Variants in NACA observed in about 807,000 individuals in gnomAD.
NACA encodes nascent polypeptide associated complex subunit alpha.
A neutral mutation model predicts 86.4 loss-of-function variants in NACA; 42 were observed. The ratio of observed to expected loss-of-function variants is 0.49; its 90% CI spans 0.38 to 0.63. The LOEUF (loss-of-function observed/expected upper bound fraction) is 0.63. NACA is among the 20% of genes least tolerant of loss of function. The pLI is 0.00. For synonymous variants in NACA, 898 were observed against 973.7 expected, an observed-to-expected ratio of 0.92 and a Z score of 1.45; for missense variants, 2,157 against 2,483.6, an observed-to-expected ratio of 0.87 and a Z score of 2.80.
Position 56,720,710 on chromosome 12 carries a change from C to T in NACA, c.820G>A (p.Ala274Thr), listed in dbSNP as rs779936716. The T allele has an allele frequency of 1.2e-6, 2 of 1,613,824 alleles. No individual in the cohort carries two copies. Among genetic ancestry groups the T allele is most frequent in the African/African-American group, 1.3e-5 (1 of 74,928 alleles). ...LSLKGPVSPP[A>T]ALSLSTQSLP... Reference sequence around the variant, plus strand: ...GACTGAGTTGAAAGAGATAAGGCAGCAGGTGGACTAACAGGCCCCTTCAGG... The same window carrying T: ...GACTGAGTTGAAAGAGATAAGGCAGTAGGTGGACTAACAGGCCCCTTCAGG... Residue 274 changes from alanine to threonine, a missense_variant, in exon 3 of 9, where the codon GCT becomes ACT. Physicochemically the swap from Ala to Thr is moderately conservative, Grantham distance 58. Transcript: ENST00000454682.
chr12:56,716,884 AT>A lies in NACA; in HGVS notation c.4645del (p.Ile1549PhefsTer5). ...PATLAPKEAL[I>X]PPAMTVPSPK... ...GGAGGGAACAGTCATAGCTGGGGGAATGAGGGCCTCTTTGGGGGCTAGAGTT... is the reference window on the plus strand; with the variant it reads ...GGAGGGAACAGTCATAGCTGGGGGAAGAGGGCCTCTTTGGGGGCTAGAGTT... On this transcript the variant is annotated frameshift_variant, in exon 3 of 9. Transcript: ENST00000454682. LOFTEE classifies it high-confidence loss of function. 8.3e-7 allele frequency: 1 copy of A among 1,199,716 alleles called. No homozygotes were observed. The allele number at this position is 1,199,716 out of a possible 1,614,324, so 74.3% of individuals were successfully genotyped here. A position where few individuals can be genotyped will look rare whatever the true frequency, so the allele number is the denominator to read the frequency against.
chr12:56,715,271 T>G (rs1254735382), intron 3 of NACA, among the ~76,000 whole-genome samples: 1 of 152,150 alleles, frequency 6.6e-6, no homozygotes, highest in South Asian at 2.1e-4. Flanking sequence ...GACCTATATC[T>G]CTAGTTTTTC....
rs746891002 is a variant in NACA, at chr12:56,719,597, C to T, written c.1933G>A (p.Val645Met). ...GCACTTTCCAAAGGAAATGCAGCCA[C>T]TGTTGGGGTAATGAGAGAACTTTTG... ...LLKSSLITPT[V>M]AAFPLESADP... The change falls in exon 3 of 9, where the codon GTG becomes ATG. Residue 645 changes from valine (V) to methionine (M), a missense_variant. Physicochemically the swap from Val to Met is conservative, Grantham distance 21. Coordinates refer to ENST00000454682, the MANE Select transcript of NACA (RefSeq NM_001365896.1). 4.3e-6 allele frequency: 7 copies of T among 1,613,816 alleles called. No individual in the cohort carries two copies. In the African/African-American group the frequency reaches 5.3e-5, roughly 12 times the overall value.
rs1436457277 is a variant in NACA at position 56,721,369 on chromosome 12, T to C, written c.161A>G (p.Gln54Arg). Residue 54 changes from glutamine to arginine, a missense_variant, in exon 3 of 9, where the codon CAA becomes CGA. Physicochemically the swap from Gln to Arg is conservative, Grantham distance 43. Around this residue, in one of 8 missense-constraint regions of NACA, gnomAD observed 947 missense variants for 917.9 expected, o/e 1.03. Transcript: ENST00000454682. Reference protein sequence around the residue: ...TLPPPCSPAPQQCPLSAANQA... With the variant: ...TLPPPCSPAPRQCPLSAANQA... Reference sequence around the variant, plus strand: ...GTTAGCAGCTGAGAGAGGGCACTGTTGTGGGGCAGGAGAGCAAGGAGGGGG... The same window carrying C: ...GTTAGCAGCTGAGAGAGGGCACTGTCGTGGGGCAGGAGAGCAAGGAGGGGG... 1.3e-6 allele frequency: 2 copies of C among 1,590,172 alleles called. No homozygotes were observed. Among genetic ancestry groups the C allele is most frequent in the Non-Finnish European group, 1.7e-6 (2 of 1,170,840 alleles).
At position 56,717,054 on chromosome 12, in the gene NACA, CT is replaced by C. The variant is rs1434405912; in HGVS notation, c.4475del (p.Lys1492ArgfsTer17). 5.9e-6 allele frequency: 7 copies of C among 1,180,892 alleles called. No homozygotes were observed. The highest frequency in any genetic ancestry group is 2.1e-5 in the South Asian group (1 of 47,154). 73.2% of individuals were successfully genotyped at this position (1,180,892 alleles called of 1,614,324 possible). A position where few individuals can be genotyped will look rare whatever the true frequency, so the allele number is the denominator to read the frequency against. ...CCATGGGGGCTGGAGTTGCTGGGGCCTTTTTGGGAGAGGAAGAAGTGGCAAC... is the reference window on the plus strand; with the variant it reads ...CCATGGGGGCTGGAGTTGCTGGGGCCTTTTGGGAGAGGAAGAAGTGGCAAC... ...KQVATSSSPK[K>X]APATPAPMGA... On this transcript the variant is annotated frameshift_variant, in exon 3 of 9. Coordinates refer to ENST00000454682, the MANE Select transcript of NACA (RefSeq NM_001365896.1). LOFTEE classifies it high-confidence loss of function.
In NACA at chr12:56,716,534, G is replaced by A. The variant is rs770450647; in HGVS notation, c.4996C>T (p.Pro1666Ser). 2 of 1,477,874 alleles carry A rather than the reference G, an allele frequency of 1.4e-6. No homozygotes were observed. The highest frequency in any genetic ancestry group is 3.6e-5 in the Admixed American group (2 of 55,786). The allele number at this position is 1,477,874 out of a possible 1,614,324, so 91.5% of individuals were successfully genotyped here. ...GCTGGAAGCCCTTTAGATGCTTGAG[G>A]AACAGTGGCCCCCATTTTACATGTG... The part of the protein sequence containing the change: ...SVTCKMGATV[P>S]QASKGLPAKK... Residue 1666 changes from proline to serine, a missense_variant, in exon 3 of 9, where the codon CCT becomes TCT. Around this residue, in one of 8 missense-constraint regions of NACA, gnomAD observed 797 missense variants for 777.6 expected, o/e 1.02. Transcript: ENST00000454682.
In NACA at chr12:56,719,267, A is replaced by AAATACCATC. The variant is rs1246039944; in HGVS notation, c.2254_2262dup (p.Asp752_Ile754dup). 8.9e-6 allele frequency: 14 copies of AAATACCATC among 1,566,794 alleles called. No homozygotes were observed. Among genetic ancestry groups the AAATACCATC allele is most frequent in the Non-Finnish European group, 1.2e-5 (14 of 1,149,846 alleles). On this transcript the variant is annotated inframe_insertion, in exon 3 of 9. Coordinates refer to ENST00000454682, the MANE Select transcript of NACA (RefSeq NM_001365896.1). Reference sequence around the variant, plus strand: ...ACAGGTGCCAATGCTGAAGTATGAGAAATACCATCAACCTTTTTTGTACCT... The same window carrying AAATACCATC: ...ACAGGTGCCAATGCTGAAGTATGAGAAATACCATCAATACCATCAACCTTTTTTGTACCT...
At chr12:56,714,140 C>G (rs1247085938) in intron 5 of NACA, 2 of 538,138 alleles carry the variant, frequency 3.7e-6, no homozygotes, top group African/African-American at 3.8e-5. Flanking sequence ...AGCCACCAAC[C>G]TAGCTACTTC....
Position 56,719,208 on chromosome 12 carries a change from G to C in NACA, c.2322C>G (p.Asp774Glu), listed in dbSNP as rs1301358539. 8 of 1,491,492 alleles carry C rather than the reference G, an allele frequency of 5.4e-6. No individual in the cohort carries two copies. In the Admixed American group the frequency reaches 1.2e-4, roughly 23 times the overall value. The allele number at this position is 1,491,492 out of a possible 1,614,324, so 92.4% of individuals were successfully genotyped here. A position where few individuals can be genotyped will look rare whatever the true frequency, so the allele number is the denominator to read the frequency against. ...ASSPKECPTE[D>E]SGASATASSK... is the part of the protein sequence containing the mutation. ...AAGATGCAGTAGCAGAAGCACCAGA[G>C]TCCTCAGTTGGGCACTCTTTGGGAG... Residue 774 changes from aspartate to glutamate, a missense_variant, in exon 3 of 9, where the codon GAC (aspartate) becomes GAG (glutamate). By Grantham distance (45) the Asp-to-Glu change is conservative. Transcript: ENST00000454682.
chr12:56,720,299 T>C lies in NACA; in HGVS notation c.1231A>G (p.Thr411Ala). The change falls in exon 3 of 9, where the codon ACC becomes GCC. Residue 411 changes from threonine (T) to alanine (A), a missense_variant. Thr to Ala is a moderately conservative substitution (Grantham distance 58, BLOSUM62 0). Coordinates refer to ENST00000454682, the MANE Select transcript of NACA (RefSeq NM_001365896.1). ...GGAGAGCTTTTGAGAATGAGAGAGGTTGTAGGAGATAATGAAAAAGAGGTA... is the reference window on the plus strand; with the variant it reads ...GGAGAGCTTTTGAGAATGAGAGAGGCTGTAGGAGATAATGAAAAAGAGGTA... ...VATSFSLSPT[T>A]SLILKSSPNA... 6.2e-7 allele frequency: 1 copy of C among 1,612,854 alleles called. No homozygotes were observed. Among genetic ancestry groups the C allele is most frequent in the Non-Finnish European group, 8.5e-7 (1 of 1,179,562 alleles).
At chr12:56,713,307 C>T (rs775637419) in intron 6 of NACA, 117 bp from the exon 7 acceptor site, 23 of 1,352,294 alleles carry the variant, frequency 1.7e-5, no homozygotes, top group Non-Finnish European at 2.3e-5. Flanking sequence ...CAGCTTTAAA[C>T]TGCTTGCCCT....
In NACA at chr12:56,717,391, C is replaced by G; in HGVS notation, c.4139G>C (p.Gly1380Ala). The change falls in exon 3 of 9, where the codon GGA (glycine) becomes GCA (alanine). Residue 1380 changes from glycine to alanine, a missense_variant. Gly to Ala is a moderately conservative substitution (Grantham distance 60). Coordinates refer to ENST00000454682, the MANE Select transcript of NACA (RefSeq NM_001365896.1). ...TPPAATPSHK[G>A]GPAMTPPSPK... ...GGAGGGAGGAGTCATAGCGGGACCT[C>G]CTTTGTGGGAGGGGGTTGCAGCTGG... is the stretch of plus-strand genomic sequence containing the variant. 1 of 1,227,060 alleles carries G rather than the reference C, an allele frequency of 8.1e-7. No homozygotes were observed. Among genetic ancestry groups the G allele is most frequent in the Non-Finnish European group, 1.0e-6 (1 of 965,014 alleles). The allele number at this position is 1,227,060 out of a possible 1,614,324, so 76.0% of individuals were successfully genotyped here. A position where few individuals can be genotyped will look rare whatever the true frequency, so the allele number is the denominator to read the frequency against.
intron 2 of NACA, among the ~76,000 whole-genome samples, chr12:56,722,811 AAG>A (rs1953608900): frequency 6.6e-6 from 1 of 151,772 alleles, no homozygotes; most frequent in African/African-American, 2.4e-5. Context: ...GCATGACAGT[AAG>A]ACAGTATCTC....
At position 56,720,998 on chromosome 12, in the gene NACA, G is replaced by C. The variant is rs772715490; in HGVS notation, c.532C>G (p.Pro178Ala). ...GTCTTTGGTTCTGAGGGAGCAATGG[G>C]AGCTGACAGAGTTATCACTGACCCT... ...ESGSVITLSA[P>A]IAPSEPKTNL... Residue 178 changes from proline to alanine, a missense_variant, in exon 3 of 9, where the codon CCC (proline) becomes GCC (alanine). Physicochemically the swap from Pro to Ala is conservative, Grantham distance 27. Transcript: ENST00000454682. The C allele has an allele frequency of 1.9e-6, 3 of 1,613,984 alleles. No individual in the cohort carries two copies. The highest frequency in any genetic ancestry group is 1.3e-5 in the African/African-American group (1 of 75,032).
rs560863822 is a variant in NACA at position 56,718,826 on chromosome 12, T to C, written c.2704A>G (p.Thr902Ala). ...GCAGGAGCCTGTTTGGGTGCTGGAG[T>C]AGCTGGACCCTCTTTGGGGAAGGGC... ...NLPFPKEGPA[T>A]PAPKQAPALS... Residue 902 changes from threonine (T) to alanine (A), a missense_variant, in exon 3 of 9, where the codon ACT becomes GCT. Physicochemically the swap from Thr to Ala is moderately conservative, Grantham distance 58. This residue lies in a region of NACA where 174 missense variants were observed against 217.0 expected (regional missense o/e 0.80). Transcript: ENST00000454682. 1.5e-5 allele frequency: 22 copies of C among 1,435,716 alleles called. No homozygotes were observed. The South Asian group carries it at 1.9e-4, about 13-fold the overall frequency. 88.9% of individuals were successfully genotyped at this position (1,435,716 alleles called of 1,614,324 possible).
rs758802708 is a variant in NACA at position 56,714,630 on chromosome 12, G to T, written c.5717C>A (p.Ser1906Tyr). Residue 1906 changes from serine to tyrosine, a missense_variant, in exon 4 of 9, where the codon TCC becomes TAC. Physicochemically the swap from Ser to Tyr is moderately radical, Grantham distance 144. Coordinates refer to ENST00000454682, the MANE Select transcript of NACA (RefSeq NM_001365896.1). ...GGCTTGTTGTGTGGTTGCCTGGGTG[G>T]AATCCTGTTCTTCAAGCTCTGGTAC... The part of the protein sequence containing the change: ...ESVPELEEQD[S>Y]TQATTQQAQL... The T allele has an allele frequency of 1.2e-6, 2 of 1,614,132 alleles. No individual in the cohort carries two copies. The highest frequency in any genetic ancestry group is 1.7e-6 in the Non-Finnish European group (2 of 1,180,024).
At position 56,720,832 on chromosome 12, in the gene NACA, G is replaced by C. The variant is rs1490855605; in HGVS notation, c.698C>G (p.Thr233Arg). The change falls in exon 3 of 9, where the codon ACA (threonine) becomes AGA (arginine). Residue 233 changes from threonine (T) to arginine (R), a missense_variant. By Grantham distance (71) the Thr-to-Arg change is moderately conservative (BLOSUM62 -1). Transcript: ENST00000454682. ...GATGGCTAGGGTAGTTGTGGGTGTT[G>C]TCTGAGGAAGGGAGGCCACTCCAGA... ...IQSGVASLPQ[T>R]TPTTTLAIAS... The C allele has an allele frequency of 6.2e-7, 1 of 1,614,012 alleles. No individual in the cohort carries two copies. The highest frequency in any genetic ancestry group is 1.1e-5 in the South Asian group (1 of 91,074).
intron 3 of NACA, 52 bp downstream of exon 3, chr12:56,715,819 G>A (rs2137805050): frequency 6.9e-7 from 1 of 1,448,954 alleles, no homozygotes; most frequent in Non-Finnish European, 9.2e-7. Flanking sequence ...TAGCGCCCAA[G>A]AGGGGTGTGG....
In NACA at chr12:56,716,782, G is replaced by T. The variant is rs1953380809; in HGVS notation, c.4748C>A (p.Pro1583Gln). ...TPSSKEASSP[P>Q]AVTPSTYKGA... ...TTTGTAAGTGGAAGGAGTCACTGCT[G>T]GGGGACTGGAGGCCTCTTTGGAGGA... The change falls in exon 3 of 9, where the codon CCA becomes CAA. Residue 1583 changes from proline (P) to glutamine (Q), a missense_variant. Around this residue, in one of 8 missense-constraint regions of NACA, gnomAD observed 797 missense variants for 777.6 expected, o/e 1.02. Transcript: ENST00000454682. The T allele has an allele frequency of 2.9e-6, 4 of 1,366,014 alleles. No homozygotes were observed. The highest frequency in any genetic ancestry group is 2.9e-6 in the Non-Finnish European group (3 of 1,038,478). 84.6% of individuals were successfully genotyped at this position (1,366,014 alleles called of 1,614,324 possible).
Sources: gnomAD v4.1 joint callset for allele counts (sites outside exome capture counted in the v4.1 genomes callset) on GRCh38, gnomAD v4.1.1 for gene constraint, gnomAD v4.1.1 regional missense constraint, MANE v1.5 for transcripts, NCBI Gene and HGNC (gene_info 2026-07-23, HGNC 2026-07-21) for gene names.